The following KLHL8 variants were observed in gnomAD, a reference collection of about 807,000 sequenced individuals.
KLHL8 encodes kelch like family member 8.
KLHL8 carries 38 observed loss-of-function variants against 63.5 expected under a neutral mutation model. The observed-to-expected ratio is 0.60, with a 90% confidence interval of 0.46 to 0.78. KLHL8 has a LOEUF of 0.78. Ranked by LOEUF, KLHL8 falls within the 30% of genes least tolerant of loss-of-function variation. KLHL8 has a pLI of 0.00. For synonymous variants in KLHL8, 224 were observed against 254.3 expected (o/e 0.88, Z 1.13); for missense variants, 566 against 752.4 (o/e 0.75, Z 2.90).
intron 1 of KLHL8, among the ~76,000 whole-genome samples, chr4:87,198,165 CA>C (rs1441477974): frequency 6.6e-6 from 1 of 151,950 alleles, no homozygotes; most frequent in Non-Finnish European, 1.5e-5. Flanking sequence ...CTAAAAAATA[CA>C]AAAACCAGCC....
chr4:87,170,200 A>G lies in KLHL8; in HGVS notation c.1416T>C (p.Ala472=). The G allele has an allele frequency of 1.2e-6, 2 of 1,613,888 alleles. No individual in the cohort carries two copies. Among genetic ancestry groups the G allele is most frequent in the Non-Finnish European group, 1.7e-6 (2 of 1,179,898 alleles). The part of the protein sequence containing the change: ...VYAVGGNDGM[A]SLSSVERYDP... ...CATATCTCTCCACGCTAGATAAAGA[A>G]GCCATTCCATCATTGCCACCTACTG... is the stretch of plus-strand genomic sequence containing the variant. Residue 472 remains alanine, a synonymous_variant, in exon 8 of 10, where the codon GCT becomes GCC. Transcript: ENST00000273963.
intron 4 of KLHL8, among the ~76,000 whole-genome samples, chr4:87,180,655 A>C (rs1560696818): frequency 6.6e-6 from 1 of 152,206 alleles, no homozygotes; most frequent in Non-Finnish European, 1.5e-5. Context: ...GGCACTTAAT[A>C]AAGGTTTGCT....
chr4:87,236,049 C>G (rs1272752039), intron 1 of KLHL8, among the ~76,000 whole-genome samples: 1 of 152,132 alleles, frequency 6.6e-6, no homozygotes, highest in Non-Finnish European at 1.5e-5. Context: ...CCAAAAAAAG[C>G]GAATGAAATG....
chr4:87,235,547 G>A (rs1733211600), intron 1 of KLHL8, among the ~76,000 whole-genome samples: 1 of 152,150 alleles, frequency 6.6e-6, no homozygotes, highest in South Asian at 2.1e-4. Flanking sequence ...AATGAAGAAA[G>A]TATAAAAATA....
intron 8 of KLHL8, among the ~76,000 whole-genome samples, chr4:87,168,596 A>G (rs1730495609): frequency 1.3e-5 from 2 of 151,472 alleles, no homozygotes; most frequent in South Asian, 4.2e-4. Context: ...TATGGACTGA[A>G]ATCAATTTAT....
chr4:87,196,035 A>C (rs1731682325), intron 1 of KLHL8, among the ~76,000 whole-genome samples: 1 of 151,600 alleles, frequency 6.6e-6, no homozygotes, highest in African/African-American at 2.4e-5. Context: ...TGCTGGTCTC[A>C]AACTCCTGGG....
In KLHL8 at chr4:87,176,844, T is replaced by C; in HGVS notation, c.1121A>G (p.His374Arg). The C allele has an allele frequency of 6.2e-7, 1 of 1,604,620 alleles. No homozygotes were observed. The change falls in exon 6 of 10, where the codon CAT becomes CGT. Residue 374 changes from histidine (H) to arginine (R), a missense_variant. By Grantham distance (29) the His-to-Arg change is conservative. Coordinates refer to ENST00000273963, the MANE Select transcript of KLHL8 (RefSeq NM_020803.5). Reference sequence around the variant, plus strand: ...ACTCCCTAAATGTTCATTTCCATCATGTCCACCTACTGCATACACTTTACC... The same window carrying C: ...ACTCCCTAAATGTTCATTTCCATCACGTCCACCTACTGCATACACTTTACC... Reference protein sequence around the residue: ...VEGKVYAVGGHDGNEHLGSME... With the variant: ...VEGKVYAVGGRDGNEHLGSME...
At chr4:87,203,894 A>G (rs1378562889) in intron 1 of KLHL8, among the ~76,000 whole-genome samples, 1 of 152,136 alleles carries the variant, frequency 6.6e-6, no homozygotes. Context: ...GGCAAACCAC[A>G]TATTTGACAA....
At chr4:87,189,143 C>T (rs577005377) in intron 2 of KLHL8, among the ~76,000 whole-genome samples, 23 of 152,244 alleles carry the variant, frequency 1.5e-4, no homozygotes, top group East Asian at 1.2e-3. Context: ...CAGAAACAGA[C>T]GGGTCAGTTA....
chr4:87,195,219 T>C, intron 2 of KLHL8, 105 bp downstream of exon 2: 1 of 770,110 alleles, frequency 1.3e-6, no homozygotes, highest in Non-Finnish European at 2.1e-6. Flanking sequence ...TCTGACTGTA[T>C]CAAATATGTA....
intron 4 of KLHL8, 44 bp downstream of exon 4, chr4:87,183,159 C>A (rs1450588610): frequency 4.2e-6 from 6 of 1,439,374 alleles, no homozygotes; most frequent in African/African-American, 1.4e-5. Context: ...CCCTCAAATA[C>A]AACAAAGATC....
chr4:87,205,406 C>T (rs1578392722), intron 1 of KLHL8, among the ~76,000 whole-genome samples: 1 of 79,520 alleles, frequency 1.3e-5, no homozygotes, highest in East Asian at 2.8e-4. Flanking sequence ...GATTCTGACT[C>T]AAGAAAACAC....
intron 1 of KLHL8, among the ~76,000 whole-genome samples, chr4:87,234,791 C>T (rs550553188): frequency 3.4e-4 from 52 of 152,252 alleles, no homozygotes; most frequent in Non-Finnish European, 6.3e-4. Flanking sequence ...GATGACAACT[C>T]CATGTGGGTT....
Position 87,161,449 on chromosome 4 carries a change from A to G in KLHL8, c.*2070T>C, listed in dbSNP as rs979253937. 5 of 152,190 alleles carry G rather than the reference A, an allele frequency of 3.3e-5. No individual in the cohort carries two copies. The highest frequency in any genetic ancestry group is 1.2e-4 in the African/African-American group (5 of 41,448). 9.4% of individuals were successfully genotyped at this position (152,190 alleles called of 1,614,324 possible). ...TATTTTACGGGTAGGTAGGGTACCA[A>G]CTTAGTATGTTAGATAACCATTGTA... On this transcript the variant is annotated 3_prime_UTR_variant, in exon 10 of 10. Transcript: ENST00000273963.
At chr4:87,198,298 C>G (rs1031839295) in intron 1 of KLHL8, among the ~76,000 whole-genome samples, 24 of 152,112 alleles carry the variant, frequency 1.6e-4, no homozygotes, top group Non-Finnish European at 2.8e-4. Context: ...CCAGCCTGGA[C>G]AACAGAATGA....
chr4:87,185,775 G>A lies in KLHL8; in HGVS notation c.241C>T (p.His81Tyr). Residue 81 changes from histidine to tyrosine, a missense_variant, in exon 3 of 10, where the codon CAC (histidine) becomes TAC (tyrosine). Transcript: ENST00000273963. Reference protein sequence around the residue: ...LKVGSKLISCHKLVLACVIPY... With the variant: ...LKVGSKLISCYKLVLACVIPY... ...ATAACACAAGCCAATACCAGCTTGT[G>A]ACAAGAGATTAGCTTTGAGCCAACC... 6.2e-7 allele frequency: 1 copy of A among 1,609,814 alleles called. No individual in the cohort carries two copies. Among genetic ancestry groups the A allele is most frequent in the Non-Finnish European group, 8.5e-7 (1 of 1,177,968 alleles).
At chr4:87,204,389 A>C (rs1241435176) in intron 1 of KLHL8, among the ~76,000 whole-genome samples, 3 of 152,236 alleles carry the variant, frequency 2.0e-5, no homozygotes, top group African/African-American at 4.8e-5. Flanking sequence ...GTTCTAAAAA[A>C]AAAAAAAAGG....
At chr4:87,184,297 T>C (rs1318459454) in intron 3 of KLHL8, among the ~76,000 whole-genome samples, 2 of 151,182 alleles carry the variant, frequency 1.3e-5, no homozygotes. Flanking sequence ...TGCATAAATA[T>C]TGTGATATGC....
intron 2 of KLHL8, among the ~76,000 whole-genome samples, chr4:87,188,483 T>C (rs540745388): frequency 1.0e-3 from 155 of 152,296 alleles, no homozygotes; most frequent in Non-Finnish European, 1.9e-3. Context: ...TTCTGTCCCT[T>C]TACAATTCCA....
Sources: gnomAD v4.1 joint callset for allele counts (sites outside exome capture counted in the v4.1 genomes callset) on GRCh38, gnomAD v4.1.1 for gene constraint, MANE v1.5 for transcripts, NCBI Gene and HGNC (gene_info 2026-07-23, HGNC 2026-07-21) for gene names.